The following AKAP10 variants were observed in gnomAD, a reference collection of about 807,000 sequenced individuals.
The protein encoded by AKAP10 is A-kinase anchor protein 10, mitochondrial.
A neutral mutation model predicts 80.8 loss-of-function variants in AKAP10; 24 were observed. That is an observed-to-expected ratio of 0.30 (90% confidence interval 0.22 to 0.42). AKAP10 has a LOEUF of 0.42. Ranked by LOEUF, AKAP10 falls within the 10% of genes least tolerant of loss-of-function variation. AKAP10 has a pLI of 1.00. For synonymous variants in AKAP10, 291 were observed against 277.7 expected (o/e 1.05, Z -0.48); for missense variants, 661 against 794.9 (o/e 0.83, Z 2.03).
intron 4 of AKAP10, among the ~76,000 whole-genome samples, chr17:19,956,473 TA>T (rs772139843): frequency 4.6e-5 from 7 of 151,792 alleles, no homozygotes; most frequent in Admixed American, 1.3e-4. Context: ...ACTAAATAAA[TA>T]AAAGATGGGA....
At position 19,905,855 on chromosome 17, in the gene AKAP10, C is replaced by T. The variant is rs77742037; in HGVS notation, c.*372G>A. The T allele has an allele frequency of 3.2e-5, 6 of 188,994 alleles. No individual in the cohort carries two copies. The South Asian group carries it at 4.0e-4, about 13-fold the overall frequency. 11.7% of individuals were successfully genotyped at this position (188,994 alleles called of 1,614,324 possible). On this transcript the variant is annotated 3_prime_UTR_variant, in exon 15 of 15. Coordinates refer to ENST00000225737, the MANE Select transcript of AKAP10 (RefSeq NM_007202.4). Reference sequence around the variant, plus strand: ...GCTGATTAGGGATGAGTTACCACTACGAGTGTGCATCAAGTATCAGTTCTA... The same window carrying T: ...GCTGATTAGGGATGAGTTACCACTATGAGTGTGCATCAAGTATCAGTTCTA...
intron 8 of AKAP10, 58 bp downstream of exon 8, chr17:19,939,655 C>CT (rs2043031091): frequency 3.8e-6 from 6 of 1,567,372 alleles, no homozygotes; most frequent in Non-Finnish European, 5.2e-6. Flanking sequence ...TTTATTTCCA[C>CT]AAAACATATC....
intron 4 of AKAP10, among the ~76,000 whole-genome samples, chr17:19,951,307 G>A (rs564591096): frequency 0.017 from 2,154 of 129,478 alleles, 17 homozygotes; most frequent in Non-Finnish European, 0.028. Context: ...CCACTGCCCC[G>A]TCTGGGAGGT....
In AKAP10 at chr17:19,919,682, CA is replaced by C. The variant is rs1170592053; in HGVS notation, c.1834+353del. On this transcript the variant is annotated intron_variant, in intron 12 of 14. Coordinates refer to ENST00000225737, the MANE Select transcript of AKAP10 (RefSeq NM_007202.4). ...CTGGGTGACAGAGCAAGAACTGTCT[CA>C]AAAAAAAAAAAGAAAAGAGAAAAAA... is the stretch of plus-strand genomic sequence containing the variant. Among the ~76,000 whole-genome samples the C allele has an allele frequency of 4.4e-3, 514 of 117,832 alleles. 14 individuals carry two copies. The East Asian group carries it at 0.086, about 20-fold the overall frequency. 77.3% of individuals were successfully genotyped at this position (117,832 alleles called of 152,430 possible).
chr17:19,977,549 CCT>C (rs901287522), intron 1 of AKAP10, 41 bp downstream of exon 1: 16 of 1,225,664 alleles, frequency 1.3e-5, no homozygotes, highest in Middle Eastern at 5.8e-4. Flanking sequence ...CACCGCCGCC[CCT>C]GAGGCCCGGC....
At chr17:19,967,623 C>A (rs2043436779) in intron 2 of AKAP10, among the ~76,000 whole-genome samples, 1 of 151,950 alleles carries the variant, frequency 6.6e-6, no homozygotes, top group Non-Finnish European at 1.5e-5. Context: ...TGGCTCACGC[C>A]TGTAATCCCA....
chr17:19,916,911 C>A (rs203456), intron 12 of AKAP10, among the ~76,000 whole-genome samples: 3 of 146,976 alleles, frequency 2.0e-5, no homozygotes, highest in Non-Finnish European at 4.5e-5. Flanking sequence ...CACTCCAGCC[C>A]GGGCGACAGA....
chr17:19,948,389 A>G (rs1233563155), intron 4 of AKAP10, among the ~76,000 whole-genome samples: 1 of 152,122 alleles, frequency 6.6e-6, no homozygotes, highest in Non-Finnish European at 1.5e-5. Context: ...GGAACAGGAA[A>G]GGGGGCTCTC....
At chr17:19,940,663 T>TTCTCTA (rs1263172773) in intron 7 of AKAP10, among the ~76,000 whole-genome samples, 1 of 152,244 alleles carries the variant, frequency 6.6e-6, no homozygotes, top group Non-Finnish European at 1.5e-5. Flanking sequence ...TGCAGTAGTT[T>TTCTCTA]AATTAGGTTT....
intron 10 of AKAP10, among the ~76,000 whole-genome samples, chr17:19,930,191 T>C (rs188632078): frequency 8.4e-4 from 128 of 152,196 alleles, no homozygotes; most frequent in African/African-American, 3.0e-3. Context: ...GTATTGAAAA[T>C]TCAAAGGGTT....
chr17:19,910,644 G>A (rs566404639), intron 12 of AKAP10, among the ~76,000 whole-genome samples: 1 of 142,222 alleles, frequency 7.0e-6, no homozygotes, highest in African/African-American at 2.7e-5. Context: ...ACCCTAACCA[G>A]GATAATGCTC....
chr17:19,968,564 G>T (rs2043453627), intron 1 of AKAP10, 103 bp from the exon 2 acceptor site: 1 of 971,162 alleles, frequency 1.0e-6, no homozygotes, highest in Non-Finnish European at 1.6e-6. Context: ...AGTATTCAAA[G>T]TTCTAGAACA....
At chr17:19,966,106 T>C (rs2043415529) in intron 2 of AKAP10, among the ~76,000 whole-genome samples, 1 of 152,108 alleles carries the variant, frequency 6.6e-6, no homozygotes, top group South Asian at 2.1e-4. Context: ...ATAACATATA[T>C]AACATATATA....
intron 4 of AKAP10, 126 bp from the exon 5 acceptor site, chr17:19,947,631 A>C (rs2043149321): frequency 1.3e-6 from 1 of 741,922 alleles, no homozygotes; most frequent in African/African-American, 1.8e-5. Flanking sequence ...TCCATCACAA[A>C]GGTGCTTTTT....
chr17:19,906,636 A>G (rs1174928362), intron 14 of AKAP10, among the ~76,000 whole-genome samples: 1 of 152,238 alleles, frequency 6.6e-6, no homozygotes, highest in Non-Finnish European at 1.5e-5. Context: ...TAGTCACAGC[A>G]CTGCGGACAA....
At chr17:19,912,004 C>G (rs747553984) in intron 12 of AKAP10, among the ~76,000 whole-genome samples, 3 of 152,146 alleles carry the variant, frequency 2.0e-5, no homozygotes, top group Non-Finnish European at 4.4e-5. Flanking sequence ...ACATTGGGCA[C>G]GTGCTCATAA....
chr17:19,941,977 C>G (rs2043055217), intron 5 of AKAP10, 67 bp from the exon 6 acceptor site: 1 of 1,435,522 alleles, frequency 7.0e-7, no homozygotes, highest in Admixed American at 2.0e-5. Context: ...ACTTGTGAAT[C>G]AACTTGGGAG....
chr17:19,962,315 C>A lies in AKAP10; in HGVS notation c.319+525G>T, dbSNP rs1473136631. Among the ~76,000 whole-genome samples the A allele has an allele frequency of 2.6e-4, 40 of 151,824 alleles. 1 individual carries two copies. The highest frequency in any genetic ancestry group is 2.6e-3 in the Admixed American group (39 of 15,236). On this transcript the variant is annotated intron_variant, in intron 3 of 14. Coordinates refer to ENST00000225737, the MANE Select transcript of AKAP10 (RefSeq NM_007202.4). ...ACATATACACACACACACACACACA[C>A]ACACACACATACACACCTGCACATA...
chr17:19,939,632 G>A (rs2043030829), intron 8 of AKAP10, 81 bp downstream of exon 8: 2 of 1,496,398 alleles, frequency 1.3e-6, no homozygotes, highest in South Asian at 1.2e-5. Context: ...AACAGAGACT[G>A]AGTTTATTCA....
Sources: gnomAD v4.1 joint callset for allele counts (sites outside exome capture counted in the v4.1 genomes callset) on GRCh38, gnomAD v4.1.1 for gene constraint, MANE v1.5 for transcripts, NCBI Gene and HGNC (gene_info 2026-07-23, HGNC 2026-07-21) for gene names.